AHCTF1: variants seen among roughly 807,000 people sequenced by gnomAD.
AHCTF1 encodes the protein protein ELYS.
A neutral mutation model predicts 248.4 loss-of-function variants in AHCTF1; 24 were observed. That is an observed-to-expected ratio of 0.10 (90% CI 0.07 to 0.14). AHCTF1 has a LOEUF of 0.14. Among genes scored for constraint, AHCTF1 ranks in the 10% least tolerant of loss-of-function variants. The pLI, the probability that AHCTF1 is intolerant of heterozygous loss-of-function variation, is 1.00. For synonymous variants in AHCTF1, 786 were observed against 929.8 expected, an observed-to-expected ratio of 0.85 and a Z score of 2.81; for missense variants, 2,206 against 2,636.2, an observed-to-expected ratio of 0.84 and a Z score of 3.57.
intron 21 of AHCTF1, among the ~76,000 whole-genome samples, chr1:246,885,041 A>G (rs1368249478): frequency 6.6e-6 from 1 of 152,230 alleles, no homozygotes; most frequent in Non-Finnish European, 1.5e-5. Flanking sequence ...GGCAACAAAT[A>G]TAACTAAAAA....
intron 29 of AHCTF1, among the ~76,000 whole-genome samples, chr1:246,858,986 G>A (rs1661317480): frequency 1.3e-5 from 2 of 152,098 alleles, no homozygotes; most frequent in Admixed American, 1.3e-4. Flanking sequence ...CAGCTACTTG[G>A]GAGGCTGAGG....
chr1:246,843,968 A>G (rs377508264), intron 33 of AHCTF1, 40 bp from the exon 34 acceptor site: 8 of 1,278,774 alleles, frequency 6.3e-6, no homozygotes, highest in Non-Finnish European at 8.2e-6. Context: ...ATCTTTATAT[A>G]TGTGTGTATA....
At chr1:246,863,724 AAAT>A (rs1412871576) in intron 27 of AHCTF1, among the ~76,000 whole-genome samples, 197 bp downstream of exon 27, 4 of 152,220 alleles carry the variant, frequency 2.6e-5, no homozygotes, top group East Asian at 1.9e-4. Context: ...ACCTTTAAGA[AAAT>A]AATGTTAACT....
chr1:246,869,132 C>T (rs565185172), intron 24 of AHCTF1, among the ~76,000 whole-genome samples: 87 of 151,910 alleles, frequency 5.7e-4, no homozygotes, highest in South Asian at 1.2e-3. Flanking sequence ...CGTGAGCCAC[C>T]ACGCCCGGCC....
intron 31 of AHCTF1, among the ~76,000 whole-genome samples, chr1:246,854,890 G>T (rs1380074429): frequency 2.6e-5 from 4 of 152,198 alleles, no homozygotes; most frequent in Non-Finnish European, 4.4e-5. Flanking sequence ...GGAGAAATGG[G>T]CACAGAAAAC....
At chr1:246,917,652 G>GA (rs1237448243) in intron 2 of AHCTF1, among the ~76,000 whole-genome samples, 1 of 152,176 alleles carries the variant, frequency 6.6e-6, no homozygotes, top group African/African-American at 2.4e-5. Flanking sequence ...TGTCAAGAGA[G>GA]AAATGACTGA....
In AHCTF1 at chr1:246,877,184, T is replaced by C. The variant is rs374798878; in HGVS notation, c.2779A>G (p.Lys927Glu). The C allele has an allele frequency of 1.2e-6, 2 of 1,613,116 alleles. No homozygotes were observed. The highest frequency in any genetic ancestry group is 1.8e-4 in the Middle Eastern group (1 of 5,562). ...QEMGLMEDLL[K>E]LPFTDTEQEC... ...TGCTCAGTGTCTGTAAATGGTAACT[T>C]CAGTAAATCTTCCATCAAGCCCATT... The change falls in exon 22 of 36, where the codon AAG becomes GAG. Residue 927 changes from lysine to glutamate, a missense_variant. Physicochemically the swap from Lys to Glu is moderately conservative, Grantham distance 56. Coordinates refer to ENST00000648844, the MANE Select transcript of AHCTF1 (RefSeq NM_001323342.2).
intron 17 of AHCTF1, among the ~76,000 whole-genome samples, 179 bp downstream of exon 17, chr1:246,889,787 A>T (rs1664094049): frequency 6.6e-6 from 1 of 152,226 alleles, no homozygotes; most frequent in Non-Finnish European, 1.5e-5. Flanking sequence ...ATTTCAAAGG[A>T]ACTAAGTAGG....
Position 246,860,938 on chromosome 1 carries a change from C to A in AHCTF1, c.4093G>T (p.Ala1365Ser), listed in dbSNP as rs751891708. ...TEKDGDKDVF[A>S]SEVTPSDLQK... Reference sequence around the variant, plus strand: ...AGGTCTGAAGGAGTTACTTCTGATGCAAATACATCTTTATCTCCATCCTTT... The same window carrying A: ...AGGTCTGAAGGAGTTACTTCTGATGAAAATACATCTTTATCTCCATCCTTT... The change falls in exon 29 of 36, where the codon GCA becomes TCA. Residue 1365 changes from alanine to serine, a missense_variant. By Grantham distance (99) the Ala-to-Ser change is moderately conservative. Coordinates refer to ENST00000648844, the MANE Select transcript of AHCTF1 (RefSeq NM_001323342.2). The A allele has an allele frequency of 6.2e-7, 1 of 1,612,138 alleles. No individual in the cohort carries two copies. The highest frequency in any genetic ancestry group is 1.7e-5 in the Admixed American group (1 of 59,980).
At chr1:246,918,059 C>CA (rs947823613) in intron 2 of AHCTF1, among the ~76,000 whole-genome samples, 191 bp downstream of exon 2, 5 of 152,086 alleles carry the variant, frequency 3.3e-5, no homozygotes, top group African/African-American at 1.2e-4. Context: ...ATAACCCCCC[C>CA]AATCAGAGGT....
At position 246,864,846 on chromosome 1, in the gene AHCTF1, C is replaced by CAAAA. The variant is rs139015537; in HGVS notation, c.3348-734_3348-731dup. Among the ~76,000 whole-genome samples the CAAAA allele has an allele frequency of 8.4e-3, 19 of 2,260 alleles. 8 individuals are homozygous for CAAAA. The highest frequency in any genetic ancestry group is 0.033 in the African/African-American group (2 of 60). The allele number at this position is 2,260 out of a possible 152,430, so 1.5% of individuals were successfully genotyped here. Reference sequence around the variant, plus strand: ...TGGGCGACAGAGCGAGACTCCGTCTCAAAAAAAAAAAAAAAAAAAAAAAAA... The same window carrying CAAAA: ...TGGGCGACAGAGCGAGACTCCGTCTCAAAAAAAAAAAAAAAAAAAAAAAAAAAAA... On this transcript the variant is annotated intron_variant, in intron 26 of 35. Coordinates refer to ENST00000648844, the MANE Select transcript of AHCTF1 (RefSeq NM_001323342.2).
rs1428472692 is a variant in AHCTF1, at chr1:246,931,931, C to G, written c.-361G>C. The G allele has an allele frequency of 6.6e-6, 1 of 151,272 alleles. No homozygotes were observed. Among genetic ancestry groups the G allele is most frequent in the East Asian group, 2.0e-4 (1 of 5,020 alleles). 9.4% of individuals were successfully genotyped at this position (151,272 alleles called of 1,614,324 possible). On this transcript the variant is annotated 5_prime_UTR_variant, in exon 1 of 36. Transcript: ENST00000648844. ...AGCGCCGGCCCCGCTCTGCGCATTA[C>G]CCTGCGCCGACAAAACCGAGTTCCA...
At chr1:246,853,398 AGT>A in intron 31 of AHCTF1, 99 bp from the exon 32 acceptor site, 1 of 921,792 alleles carries the variant, frequency 1.1e-6, no homozygotes, top group Non-Finnish European at 1.6e-6. Flanking sequence ...GCACTTGAAT[AGT>A]GTATTAATAA....
intron 18 of AHCTF1, 40 bp from the exon 19 acceptor site, chr1:246,888,273 C>T (rs1410865758): frequency 6.2e-7 from 1 of 1,612,986 alleles, no homozygotes; most frequent in East Asian, 2.2e-5. Context: ...GGATCTTATA[C>T]AGTCATTCAT....
chr1:246,920,793 A>G (rs900577181), intron 1 of AHCTF1, among the ~76,000 whole-genome samples: 4 of 151,672 alleles, frequency 2.6e-5, no homozygotes, highest in Non-Finnish European at 4.4e-5. Context: ...AAATTATTAA[A>G]CAATAAAAGC....
intron 5 of AHCTF1, among the ~76,000 whole-genome samples, chr1:246,905,898 A>G (rs1268261876): frequency 6.6e-6 from 1 of 152,176 alleles, no homozygotes; most frequent in East Asian, 1.9e-4. Flanking sequence ...AGTCAAGCGG[A>G]TGCATTTATG....
intron 24 of AHCTF1, among the ~76,000 whole-genome samples, chr1:246,872,349 G>A (rs1662657548): frequency 2.0e-5 from 3 of 151,984 alleles, no homozygotes; most frequent in African/African-American, 7.3e-5. Context: ...GATGCCCCAG[G>A]ACCCAAAAAC....
intron 24 of AHCTF1, among the ~76,000 whole-genome samples, chr1:246,870,233 C>T (rs1662486048): frequency 6.6e-6 from 1 of 152,128 alleles, no homozygotes; most frequent in African/African-American, 2.4e-5. Context: ...CACTTGAGGC[C>T]ATGAGTTTGA....
In AHCTF1 at chr1:246,853,263, G is replaced by A. The variant is rs749880184; in HGVS notation, c.4391C>T (p.Ser1464Leu). ...AATAGGACCTTCAGAGATAGTGAGCGAGGAGTTTCCACCATCACCAAGGAC... is the reference window on the plus strand; with the variant it reads ...AATAGGACCTTCAGAGATAGTGAGCAAGGAGTTTCCACCATCACCAAGGAC... ...ADVLGDGGNS[S>L]LTISEGPIVS... The change falls in exon 32 of 36, where the codon TCG (serine) becomes TTG (leucine). Residue 1464 changes from serine (S) to leucine (L), a missense_variant. Physicochemically the swap from Ser to Leu is moderately radical, Grantham distance 145. Coordinates refer to ENST00000648844, the MANE Select transcript of AHCTF1 (RefSeq NM_001323342.2). 22 of 1,613,612 alleles carry A rather than the reference G, an allele frequency of 1.4e-5. No individual in the cohort carries two copies. The highest frequency in any genetic ancestry group is 5.0e-5 in the Admixed American group (3 of 59,972).
Sources: allele counts gnomAD v4.1 joint callset (sites outside exome capture counted in the v4.1 genomes callset), GRCh38; gene constraint gnomAD v4.1.1; transcripts MANE v1.5; gene names NCBI Gene and HGNC (gene_info 2026-07-23, HGNC 2026-07-21).